The following FKTN variants were observed in gnomAD, a reference collection of about 807,000 sequenced individuals.
FKTN encodes fukutin.
In FKTN, 47 loss-of-function variants were observed where a neutral mutation model predicts 58.6. The ratio of observed to expected loss-of-function variants is 0.80; its 90% CI spans 0.63 to 1.02. The LOEUF (loss-of-function observed/expected upper bound fraction) is 1.02. Ranked by LOEUF, FKTN falls within the 50% of genes least tolerant of loss-of-function variation. FKTN has a pLI of 0.00. For synonymous variants in FKTN, 178 were observed against 191.9 expected (o/e 0.93, Z 0.60); for missense variants, 516 against 537.3 (o/e 0.96, Z 0.39).
At chr9:105,619,820 C>A in intron 9 of FKTN, 114 bp from the exon 10 acceptor site, 3 of 926,978 alleles carry the variant, frequency 3.2e-6, no homozygotes, top group Admixed American at 2.3e-5. Context: ...AGAATGAATA[C>A]TCTATGTATG....
chr9:105,559,539 C>T (rs958607622), intron 1 of FKTN, among the ~76,000 whole-genome samples: 12 of 151,970 alleles, frequency 7.9e-5, no homozygotes, highest in Non-Finnish European at 1.6e-4. Flanking sequence ...AACAAATTAG[C>T]CGGGTGTGGT....
rs1828493728 is a variant in FKTN, at chr9:105,604,443, G to A, written c.598G>A (p.Val200Ile). ...TAAAGAACACATTGACAGGAAATTT[G>A]TTCCCTTCCGAAAGTTACAGTTTGG... is the stretch of plus-strand genomic sequence containing the variant. ...RLKEHIDRKF[V>I]PFRKLQFGRY... Residue 200 changes from valine to isoleucine, a missense_variant, in exon 6 of 11, where the codon GTT becomes ATT. Val to Ile is a conservative substitution (Grantham distance 29, BLOSUM62 3). Coordinates refer to ENST00000357998, the MANE Select transcript of FKTN (RefSeq NM_001079802.2). The A allele has an allele frequency of 6.2e-7, 1 of 1,614,016 alleles. No individual in the cohort carries two copies. The highest frequency in any genetic ancestry group is 1.3e-5 in the African/African-American group (1 of 74,908).
intron 3 of FKTN, among the ~76,000 whole-genome samples, chr9:105,593,948 G>A (rs1034430204): frequency 6.6e-6 from 1 of 152,210 alleles, no homozygotes; most frequent in African/African-American, 2.4e-5. Flanking sequence ...CCCATTAGGA[G>A]TTTTGCTGTA....
At chr9:105,619,890 A>G in intron 9 of FKTN, 44 bp from the exon 10 acceptor site, 1 of 1,567,278 alleles carries the variant, frequency 6.4e-7, no homozygotes, top group Non-Finnish European at 8.7e-7. Context: ...TTAAAAATGT[A>G]TTTCCTTTGT....
Position 105,638,062 on chromosome 9 carries a change from C to A in FKTN, c.*2798C>A. 1 of 973,778 alleles carries A rather than the reference C, an allele frequency of 1.0e-6. No homozygotes were observed. Among genetic ancestry groups the A allele is most frequent in the Non-Finnish European group, 1.2e-6 (1 of 819,396 alleles). The allele number at this position is 973,778 out of a possible 1,614,324, so 60.3% of individuals were successfully genotyped here. A position where few individuals can be genotyped will look rare whatever the true frequency, so the allele number is the denominator to read the frequency against. ...TTTGAATCTTAAAAGCTAGAAAAAC[C>A]ATAATGTAATATTCTTTTTAAACCC... On this transcript the variant is annotated 3_prime_UTR_variant, in exon 11 of 11. Coordinates refer to ENST00000357998, the MANE Select transcript of FKTN (RefSeq NM_001079802.2).
At chr9:105,605,789 C>T (rs896844245) in intron 6 of FKTN, among the ~76,000 whole-genome samples, 15 of 151,546 alleles carry the variant, frequency 9.9e-5, no homozygotes, top group African/African-American at 3.6e-4. Context: ...TTAATGGGTA[C>T]AAAAAAATAG....
At chr9:105,623,268 A>T (rs1218809552) in intron 10 of FKTN, 1 of 152,184 alleles carries the variant, frequency 6.6e-6, no homozygotes, top group Non-Finnish European at 1.5e-5. Flanking sequence ...TAAGCCAATC[A>T]ATATGCCAAG....
chr9:105,601,497 C>T, intron 5 of FKTN, 149 bp downstream of exon 5: 1 of 632,112 alleles, frequency 1.6e-6, no homozygotes, highest in Non-Finnish European at 2.8e-6. Flanking sequence ...AATAACAATA[C>T]AACTAATCAC....
intron 10 of FKTN, among the ~76,000 whole-genome samples, chr9:105,628,940 G>T (rs1172655546): frequency 6.6e-6 from 1 of 152,138 alleles, no homozygotes; most frequent in African/African-American, 2.4e-5. Context: ...AGGGGCACAG[G>T]GAACTTTGGA....
intron 3 of FKTN, among the ~76,000 whole-genome samples, chr9:105,581,477 T>C (rs1009813927): frequency 2.0e-5 from 3 of 150,674 alleles, no homozygotes; most frequent in Non-Finnish European, 4.4e-5. Flanking sequence ...GTTAGGCTGC[T>C]CGGGGGTCAG....
intron 5 of FKTN, chr9:105,603,850 T>G: frequency 3.2e-6 from 1 of 309,030 alleles, no homozygotes; most frequent in Admixed American, 4.4e-5. Context: ...AATTTTTGTT[T>G]GTATTTTTTG....
At chr9:105,623,141 T>C (rs921401173) in intron 10 of FKTN, 7 of 152,190 alleles carry the variant, frequency 4.6e-5, no homozygotes, top group African/African-American at 1.7e-4. Flanking sequence ...TTCCTAAAGA[T>C]GCTGCCTAGA....
intron 10 of FKTN, among the ~76,000 whole-genome samples, chr9:105,632,420 A>G (rs1394449333): frequency 3.2e-5 from 2 of 62,126 alleles, no homozygotes; most frequent in African/African-American, 1.4e-4. Flanking sequence ...AAAGTATAAT[A>G]AAAAAAAATA....
chr9:105,617,257 A>G (rs145327474), intron 8 of FKTN, among the ~76,000 whole-genome samples: 2 of 152,330 alleles, frequency 1.3e-5, no homozygotes, highest in Non-Finnish European at 2.9e-5. Context: ...GTCCTTAATA[A>G]TATTAAGGTA....
At chr9:105,619,821 TC>T in intron 9 of FKTN, 112 bp from the exon 10 acceptor site, 1 of 953,722 alleles carries the variant, frequency 1.0e-6, no homozygotes, top group Non-Finnish European at 1.6e-6. Context: ...GAATGAATAC[TC>T]TATGTATGTA....
chr9:105,636,262 T>G lies in FKTN; in HGVS notation c.*998T>G. ...AAAACATACTCTTTATTATCTTCATTTATCAATTACAGCTTCGTATCTCTA... is the reference window on the plus strand; with the variant it reads ...AAAACATACTCTTTATTATCTTCATGTATCAATTACAGCTTCGTATCTCTA... On this transcript the variant is annotated 3_prime_UTR_variant, in exon 11 of 11. Transcript: ENST00000357998. 1 of 930,400 alleles carries G rather than the reference T, an allele frequency of 1.1e-6. No individual in the cohort carries two copies. The highest frequency in any genetic ancestry group is 1.3e-6 in the Non-Finnish European group (1 of 779,900). The allele number at this position is 930,400 out of a possible 1,614,324, so 57.6% of individuals were successfully genotyped here. A position where few individuals can be genotyped will look rare whatever the true frequency, so the allele number is the denominator to read the frequency against.
At chr9:105,585,586 G>A (rs149655610) in intron 3 of FKTN, among the ~76,000 whole-genome samples, 35 of 152,242 alleles carry the variant, frequency 2.3e-4, no homozygotes, top group Admixed American at 3.3e-4. Context: ...TACACGCAGC[G>A]TTTTTGAACT....
At chr9:105,583,804 C>T (rs1564243185) in intron 3 of FKTN, among the ~76,000 whole-genome samples, 1 of 152,026 alleles carries the variant, frequency 6.6e-6, no homozygotes, top group Non-Finnish European at 1.5e-5. Context: ...GTATTTTTGT[C>T]TATTTAATGT....
At position 105,567,598 on chromosome 9, in the gene FKTN, C is replaced by G. The variant is rs142373647; in HGVS notation, c.-180-6057C>G. Among the ~76,000 whole-genome samples, 1,264 of 152,210 alleles carry G rather than the reference C, an allele frequency of 8.3e-3. 20 individuals are homozygous for G. The highest frequency in any genetic ancestry group is 0.029 in the African/African-American group (1,208 of 41,528). On this transcript the variant is annotated intron_variant, in intron 1 of 10. Coordinates refer to ENST00000357998, the MANE Select transcript of FKTN (RefSeq NM_001079802.2). Reference sequence around the variant, plus strand: ...CCAACTTACAAGGGATGTGAAGGACCTCTTTAAGGAGAAGTACAAACCACT... The same window carrying G: ...CCAACTTACAAGGGATGTGAAGGACGTCTTTAAGGAGAAGTACAAACCACT...
Sources: gnomAD v4.1 joint callset for allele counts (sites outside exome capture counted in the v4.1 genomes callset) on GRCh38, gnomAD v4.1.1 for gene constraint, MANE v1.5 for transcripts, NCBI Gene and HGNC (gene_info 2026-07-23, HGNC 2026-07-21) for gene names.